Variants in CTTNBP2 observed in about 807,000 individuals in gnomAD.
CTTNBP2 encodes the protein cortactin-binding protein 2.
Under a neutral mutation model 156.9 loss-of-function variants are expected in CTTNBP2, and 108 were observed. The ratio of observed to expected loss-of-function variants is 0.69; its 90% CI spans 0.59 to 0.81. The LOEUF (loss-of-function observed/expected upper bound fraction) is 0.81, where lower values mean the gene tolerates loss of function less well. Among genes scored for constraint, CTTNBP2 ranks in the 30% least tolerant of loss-of-function variants. The pLI, the probability that CTTNBP2 is intolerant of heterozygous loss-of-function variation, is 0.00. For synonymous variants in CTTNBP2, 767 were observed against 751.8 expected (o/e 1.02, Z -0.33); for missense variants, 1,924 against 2,035.4 (o/e 0.95, Z 1.05).
intron 6 of CTTNBP2, among the ~76,000 whole-genome samples, chr7:117,782,425 A>G (rs1333629467): frequency 6.6e-6 from 1 of 152,248 alleles, no homozygotes; most frequent in African/African-American, 2.4e-5. Context: ...AAGATGAATA[A>G]TTAGAATACA....
intron 22 of CTTNBP2, among the ~76,000 whole-genome samples, chr7:117,716,646 A>G (rs1210787699): frequency 6.6e-6 from 1 of 152,180 alleles, no homozygotes; most frequent in Non-Finnish European, 1.5e-5. Flanking sequence ...CTGGGCTTCT[A>G]AATTGTTCCC....
At chr7:117,813,854 C>T (rs1207687921) in intron 2 of CTTNBP2, among the ~76,000 whole-genome samples, 1 of 152,158 alleles carries the variant, frequency 6.6e-6, no homozygotes, top group Non-Finnish European at 1.5e-5. Flanking sequence ...CTTTAATCTC[C>T]AAAAACTACA....
Position 117,711,782 on chromosome 7 carries a change from C to T in CTTNBP2, c.4747G>A (p.Glu1583Lys), listed in dbSNP as rs1794070305. ...NNLRMPVSQKEVSPLSSHQTT... is the reference protein window; with the variant it reads ...NNLRMPVSQKKVSPLSSHQTT... ...TGATGGCTGCTGAGAGGACTGACCT[C>T]CTGTAAGAGACAAGAAACCACACAA... The change falls in exon 23 of 23, where the codon GAG becomes AAG. Residue 1583 changes from glutamate (E) to lysine (K), a missense_variant and splice_region_variant. Glu to Lys is a moderately conservative substitution (Grantham distance 56). Transcript: ENST00000160373. 1 of 1,605,986 alleles carries T rather than the reference C, an allele frequency of 6.2e-7. No individual in the cohort carries two copies. The highest frequency in any genetic ancestry group is 8.5e-7 in the Non-Finnish European group (1 of 1,175,102).
At chr7:117,819,367 T>A (rs77359726) in intron 2 of CTTNBP2, among the ~76,000 whole-genome samples, 5,402 of 130,224 alleles carry the variant, frequency 0.041, 150 homozygotes, top group Middle Eastern at 0.077. Flanking sequence ...TCTCTCTCTC[T>A]CACACACACA....
intron 2 of CTTNBP2, among the ~76,000 whole-genome samples, chr7:117,814,526 A>G (rs1800467373): frequency 6.6e-6 from 1 of 152,108 alleles, no homozygotes. Context: ...CTCAGGCTTT[A>G]GTGATCTTCC....
chr7:117,736,452 AT>A (rs1795713279), intron 14 of CTTNBP2, among the ~76,000 whole-genome samples: 1 of 151,798 alleles, frequency 6.6e-6, no homozygotes, highest in Non-Finnish European at 1.5e-5. Flanking sequence ...AAAAAAAAAA[AT>A]GTAGACAGGA....
At chr7:117,775,329 G>A (rs1032876949) in intron 8 of CTTNBP2, among the ~76,000 whole-genome samples, 16 of 151,954 alleles carry the variant, frequency 1.1e-4, no homozygotes, top group Non-Finnish European at 8.8e-5. Context: ...GGGAGAAAGA[G>A]GTCACATTTT....
At chr7:117,819,137 ACT>A (rs1438602124) in intron 2 of CTTNBP2, among the ~76,000 whole-genome samples, 22 of 152,252 alleles carry the variant, frequency 1.4e-4, no homozygotes, top group African/African-American at 5.1e-4. Context: ...TCCAGCTGTA[ACT>A]CTCTGTCTTA....
intron 1 of CTTNBP2, among the ~76,000 whole-genome samples, chr7:117,863,892 T>G (rs1246538484): frequency 6.6e-6 from 1 of 152,220 alleles, no homozygotes; most frequent in East Asian, 1.9e-4. Context: ...ATCCTGGTTT[T>G]TCCCACTGAG....
rs745318260 is a variant in CTTNBP2, at chr7:117,792,737, G to C, written c.459C>G (p.His153Gln). The C allele has an allele frequency of 7.5e-6, 12 of 1,605,798 alleles. No homozygotes were observed. The East Asian group carries it at 2.7e-4, about 36-fold the overall frequency. ...KLQLQALEQE[H>Q]KKLAARLEEE... ...CCTCAAGGCGGGCAGCCAGCTTCTT[G>C]TGCTCTTGCTCAAGGGCTTGTAGCT... Residue 153 changes from histidine (H) to glutamine (Q), a missense_variant, in exon 4 of 23, where the codon CAC (histidine) becomes CAG (glutamine). His to Gln is a conservative substitution (Grantham distance 24). Coordinates refer to ENST00000160373, the MANE Select transcript of CTTNBP2 (RefSeq NM_033427.3). The surrounding 1 kb of genome is among the most constrained non-coding windows in gnomAD (Gnocchi z 4.2).
intron 2 of CTTNBP2, among the ~76,000 whole-genome samples, chr7:117,824,856 T>C (rs1801186031): frequency 6.6e-6 from 1 of 152,246 alleles, no homozygotes; most frequent in South Asian, 2.1e-4. Context: ...TTTCTTGTAA[T>C]AATTTTGTCA....
chr7:117,782,064 A>G (rs1798465890), intron 6 of CTTNBP2, among the ~76,000 whole-genome samples: 1 of 152,196 alleles, frequency 6.6e-6, no homozygotes, highest in Non-Finnish European at 1.5e-5. Context: ...ATTTATGATT[A>G]ATAACATGGG....
At chr7:117,742,724 T>G (rs1349861718) in intron 14 of CTTNBP2, among the ~76,000 whole-genome samples, 2 of 152,188 alleles carry the variant, frequency 1.3e-5, no homozygotes, top group Non-Finnish European at 2.9e-5. Flanking sequence ...GGCCCACAAA[T>G]GAGAGCACCT....
At position 117,804,756 on chromosome 7, in the gene CTTNBP2, A is replaced by AC. The variant is rs1327239377; in HGVS notation, c.414+6008dup. Among the ~76,000 whole-genome samples the AC allele has an allele frequency of 2.0e-5, 3 of 152,160 alleles. No individual in the cohort carries two copies. In the East Asian group the frequency reaches 5.8e-4, roughly 29 times the overall value. ...AGACACAGGGAGGGGCACAACACACACTGGGGCCTGTTGGGGCATGGCAGG... is the reference window on the plus strand; with the variant it reads ...AGACACAGGGAGGGGCACAACACACACCTGGGGCCTGTTGGGGCATGGCAGG... On this transcript the variant is annotated intron_variant, in intron 3 of 22. Transcript: ENST00000160373.
At chr7:117,734,176 G>A (rs1399553754) in intron 16 of CTTNBP2, among the ~76,000 whole-genome samples, 1 of 152,174 alleles carries the variant, frequency 6.6e-6, no homozygotes, top group African/African-American at 2.4e-5. Flanking sequence ...ATGTGAGGGG[G>A]AAAATCCTCT....
At chr7:117,835,531 C>T (rs1481470986) in intron 2 of CTTNBP2, among the ~76,000 whole-genome samples, 2 of 152,184 alleles carry the variant, frequency 1.3e-5, no homozygotes, top group African/African-American at 2.4e-5. Flanking sequence ...CCTCACTTCC[C>T]TTTTCTCTCT....
At chr7:117,808,901 A>G (rs1800100670) in intron 3 of CTTNBP2, among the ~76,000 whole-genome samples, 1 of 152,200 alleles carries the variant, frequency 6.6e-6, no homozygotes, top group Non-Finnish European at 1.5e-5. Context: ...GACACAGGGT[A>G]AGAGTACAAA....
At chr7:117,850,760 T>C (rs947138843) in intron 2 of CTTNBP2, among the ~76,000 whole-genome samples, 4 of 152,210 alleles carry the variant, frequency 2.6e-5, no homozygotes, top group African/African-American at 9.7e-5. Context: ...TGGTACATAA[T>C]CTTAACAGCC....
chr7:117,849,067 T>C (rs1802773916), intron 2 of CTTNBP2, among the ~76,000 whole-genome samples: 1 of 152,220 alleles, frequency 6.6e-6, no homozygotes, highest in African/African-American at 2.4e-5. Flanking sequence ...TTGAAAAAGC[T>C]GTCCTGAGAA....
Sources: gnomAD v4.1 joint callset for allele counts (sites outside exome capture counted in the v4.1 genomes callset) on GRCh38, gnomAD v4.1.1 for gene constraint, Gnocchi (gnomAD v3.1) non-coding constraint, MANE v1.5 for transcripts, NCBI Gene and HGNC (gene_info 2026-07-23, HGNC 2026-07-21) for gene names.